PCDH15: variants seen among roughly 807,000 people sequenced by gnomAD.
PCDH15 encodes the protein protocadherin-15.
A neutral mutation model predicts 178.5 loss-of-function variants in PCDH15; 129 were observed. That is an observed-to-expected ratio of 0.72 (90% CI 0.63 to 0.84). The LOEUF (loss-of-function observed/expected upper bound fraction) is 0.84. Among genes scored for constraint, PCDH15 ranks in the 40% least tolerant of loss-of-function variants. The pLI, the probability that PCDH15 is intolerant of heterozygous loss-of-function variation, is 0.00. For synonymous variants in PCDH15, 800 were observed against 732.0 expected, an observed-to-expected ratio of 1.09 and a Z score of -1.50; for missense variants, 2,230 against 2,099.9, an observed-to-expected ratio of 1.06 and a Z score of -1.21.
intron 2 of PCDH15, among the ~76,000 whole-genome samples, chr10:55,484,355 A>C (rs990098519): frequency 2.6e-5 from 4 of 151,780 alleles, no homozygotes; most frequent in Non-Finnish European, 5.9e-5. Flanking sequence ...GATCTCTACT[A>C]TTACAAAATC....
intron 18 of PCDH15, among the ~76,000 whole-genome samples, chr10:54,034,579 T>C (rs538105859): frequency 9.6e-4 from 146 of 151,992 alleles, no homozygotes; most frequent in African/African-American, 3.4e-3. Context: ...CAGAATTAAT[T>C]GGAAGAAACA....
intron 2 of PCDH15, among the ~76,000 whole-genome samples, chr10:55,574,754 C>A (rs931134962): frequency 6.6e-6 from 1 of 151,774 alleles, no homozygotes; most frequent in African/African-American, 2.4e-5. Flanking sequence ...GATTTTATGT[C>A]CCTGAGTCAA....
intron 2 of PCDH15, among the ~76,000 whole-genome samples, chr10:54,629,230 A>C (rs1590678607): frequency 6.6e-6 from 1 of 152,308 alleles, no homozygotes; most frequent in South Asian, 2.1e-4. Flanking sequence ...ACTTAAAAAA[A>C]GTTAGCTAAT....
chr10:54,495,193 C>T (rs2079996837), intron 3 of PCDH15, among the ~76,000 whole-genome samples: 2 of 152,038 alleles, frequency 1.3e-5, no homozygotes, highest in Admixed American at 6.6e-5. Flanking sequence ...AATGTAATTT[C>T]TACATTCATA....
At chr10:54,033,200 ATATAT>A (rs1280502122) in intron 18 of PCDH15, among the ~76,000 whole-genome samples, 1 of 151,956 alleles carries the variant, frequency 6.6e-6, no homozygotes, top group Non-Finnish European at 1.5e-5. Context: ...GTATAATTAA[ATATAT>A]TAGTTTAACT....
intron 1 of PCDH15, among the ~76,000 whole-genome samples, chr10:55,171,137 C>G (rs1457368929): frequency 6.6e-6 from 1 of 152,112 alleles, no homozygotes; most frequent in African/African-American, 2.4e-5. Flanking sequence ...TAAACATCAT[C>G]TAAATCTCAA....
At chr10:53,912,929 T>C (rs1160979028) in intron 25 of PCDH15, among the ~76,000 whole-genome samples, 2 of 152,108 alleles carry the variant, frequency 1.3e-5, no homozygotes, top group African/African-American at 2.4e-5. Context: ...TTCACAGAAC[T>C]GGGAAAAACT....
intron 9 of PCDH15, among the ~76,000 whole-genome samples, chr10:54,222,040 A>G (rs1385215850): frequency 2.0e-5 from 3 of 152,214 alleles, no homozygotes; most frequent in Non-Finnish European, 2.9e-5. Flanking sequence ...TGGATATGCT[A>G]CAACTCATTT....
intron 8 of PCDH15, among the ~76,000 whole-genome samples, chr10:54,245,998 G>A (rs2055883146): frequency 2.0e-5 from 3 of 151,492 alleles, no homozygotes; most frequent in Admixed American, 2.0e-4. Context: ...ATAAATTCCA[G>A]GAAAAAAATT....
intron 6 of PCDH15, among the ~76,000 whole-genome samples, chr10:54,337,354 A>G (rs539071950): frequency 2.4e-4 from 37 of 152,088 alleles, no homozygotes; most frequent in African/African-American, 8.7e-4. Context: ...GTAGAGTAAT[A>G]TGATTTGGCT....
At chr10:54,973,908 T>C (rs929535024) in intron 2 of PCDH15, among the ~76,000 whole-genome samples, 2 of 151,962 alleles carry the variant, frequency 1.3e-5, no homozygotes, top group Non-Finnish European at 2.9e-5. Context: ...AATCTAAAAT[T>C]AAAAAGTAAT....
At chr10:54,546,563 A>T (rs2085877994) in intron 2 of PCDH15, among the ~76,000 whole-genome samples, 1 of 152,168 alleles carries the variant, frequency 6.6e-6, no homozygotes, top group Non-Finnish European at 1.5e-5. Flanking sequence ...TGACAAACAC[A>T]ATTTGGAAGC....
chr10:55,541,481 G>T (rs1029092694), intron 2 of PCDH15, among the ~76,000 whole-genome samples: 1 of 151,534 alleles, frequency 6.6e-6, no homozygotes, highest in Non-Finnish European at 1.5e-5. Context: ...ATCTGAATAG[G>T]TGTTATGTTG....
chr10:54,652,674 G>A (rs919648466), intron 2 of PCDH15, among the ~76,000 whole-genome samples: 1 of 152,190 alleles, frequency 6.6e-6, no homozygotes, highest in East Asian at 1.9e-4. Context: ...GGGTGTGCCT[G>A]TACAGAAGGG....
At chr10:54,524,815 A>G (rs2083220799) in intron 3 of PCDH15, among the ~76,000 whole-genome samples, 1 of 152,132 alleles carries the variant, frequency 6.6e-6, no homozygotes, top group East Asian at 1.9e-4. Context: ...GCCCCTTTAC[A>G]ACGTAAGCTT....
chr10:55,419,183 G>A (rs186772951), intron 2 of PCDH15, among the ~76,000 whole-genome samples: 39 of 151,794 alleles, frequency 2.6e-4, no homozygotes, highest in Admixed American at 1.9e-3. Context: ...GGTAGAAAGC[G>A]AAATGGGGAG....
intron 2 of PCDH15, among the ~76,000 whole-genome samples, chr10:55,511,469 G>A (rs1367791071): frequency 6.6e-6 from 1 of 151,958 alleles, no homozygotes. Context: ...TTTGATACTA[G>A]GAGACCCTCT....
At chr10:53,830,604 C>G (rs932235483) in intron 30 of PCDH15, among the ~76,000 whole-genome samples, 1 of 152,090 alleles carries the variant, frequency 6.6e-6, no homozygotes, top group Admixed American at 6.5e-5. Flanking sequence ...ATATTACTAA[C>G]CTACTTCAAA....
chr10:53,981,272 G>A (rs956519336), intron 21 of PCDH15, among the ~76,000 whole-genome samples: 1 of 152,110 alleles, frequency 6.6e-6, no homozygotes, highest in Non-Finnish European at 1.5e-5. Flanking sequence ...CTTACAGTGT[G>A]TGTTAAACAC....
Sources: gnomAD v4.1 joint callset for allele counts (sites outside exome capture counted in the v4.1 genomes callset) on GRCh38, gnomAD v4.1.1 for gene constraint, MANE v1.5 for transcripts, NCBI Gene and HGNC (gene_info 2026-07-23, HGNC 2026-07-21) for gene names.